SYNE2: variants seen among roughly 807,000 people sequenced by gnomAD.
SYNE2 encodes the protein nesprin-2.
Under a neutral mutation model 856.3 loss-of-function variants are expected in SYNE2, and 431 were observed. The ratio of observed to expected loss-of-function variants is 0.50; its 90% confidence interval spans 0.47 to 0.55. The LOEUF (loss-of-function observed/expected upper bound fraction) is 0.55. Ranked by LOEUF, SYNE2 falls within the 20% of genes least tolerant of loss-of-function variation. SYNE2 has a pLI of 0.00. For missense variants in SYNE2, 8,129 were observed against 8,023.2 expected (o/e 1.01, Z -0.50); for synonymous variants, 2,923 against 2,872.3 (o/e 1.02, Z -0.56).
intron 1 of SYNE2, among the ~76,000 whole-genome samples, chr14:63,892,395 G>GT (rs1287694014): frequency 6.6e-6 from 1 of 150,916 alleles, no homozygotes; most frequent in Non-Finnish European, 1.5e-5. Flanking sequence ...CCTCAGAGCA[G>GT]TTTTTTCCAG....
intron 1 of SYNE2, among the ~76,000 whole-genome samples, chr14:63,875,892 C>T (rs370551453): frequency 2.0e-5 from 3 of 152,198 alleles, no homozygotes; most frequent in African/African-American, 7.2e-5. Context: ...CTTCAAGGTT[C>T]CCAGACCGGT....
Position 64,113,723 on chromosome 14 carries a change from C to G in SYNE2, c.12840+152C>G, listed in dbSNP as rs2097831395. On this transcript the variant is annotated intron_variant, in intron 66 of 115. Coordinates refer to ENST00000555002, the MANE Select transcript of SYNE2 (RefSeq NM_182914.3). ...TCAGCTTTTAGTTCTCAGGGTAATT[C>G]TTTGAAATGCTTTATGGAACTATCT... The G allele has an allele frequency of 3.6e-6, 3 of 838,354 alleles. No homozygotes were observed. The East Asian group carries it at 8.0e-5, about 22-fold the overall frequency. The allele number at this position is 838,354 out of a possible 1,614,324, so 51.9% of individuals were successfully genotyped here. A position where few individuals can be genotyped will look rare whatever the true frequency, so the allele number is the denominator to read the frequency against.
In SYNE2 at chr14:64,053,072, T is replaced by A; in HGVS notation, c.9159T>A (p.Ser3053Arg). 1 of 1,614,048 alleles carries A rather than the reference T, an allele frequency of 6.2e-7. No individual in the cohort carries two copies. The highest frequency in any genetic ancestry group is 8.5e-7 in the Non-Finnish European group (1 of 1,180,002). ...ATGGCAAATATCAGGCATTATTAAG[T>A]AAAATGAGAGCTATTGATTTGCAAA... ...EEHGKYQALL[S>R]KMRAIDLQIK... The change falls in exon 48 of 116, where the codon AGT becomes AGA. Residue 3053 changes from serine to arginine, a missense_variant. Ser to Arg is a moderately radical substitution (Grantham distance 110). Coordinates refer to ENST00000555002, the MANE Select transcript of SYNE2 (RefSeq NM_182914.3).
At chr14:64,025,960 A>T (rs1339421470) in intron 41 of SYNE2, among the ~76,000 whole-genome samples, 3 of 152,188 alleles carry the variant, frequency 2.0e-5, no homozygotes, top group African/African-American at 4.8e-5. Context: ...CAATCACTAG[A>T]TAAAAATACA....
intron 6 of SYNE2, among the ~76,000 whole-genome samples, chr14:63,944,944 A>T (rs908628532): frequency 9.5e-4 from 129 of 136,096 alleles, no homozygotes; most frequent in African/African-American, 3.5e-3. Context: ...AGTAGCTGGG[A>T]TTACAGGTGC....
intron 31 of SYNE2, 149 bp from the exon 32 acceptor site, chr14:64,009,817 T>C (rs1647573611): frequency 1.5e-6 from 1 of 663,698 alleles, no homozygotes; most frequent in South Asian, 1.9e-5. Context: ...CCATCATTCT[T>C]AGGTTAAATT....
intron 32 of SYNE2, among the ~76,000 whole-genome samples, chr14:64,011,708 G>A (rs963973724): frequency 2.0e-5 from 3 of 152,152 alleles, no homozygotes; most frequent in Non-Finnish European, 4.4e-5. Context: ...ATAAGTGTCA[G>A]TTATGATGCC....
intron 50 of SYNE2, among the ~76,000 whole-genome samples, chr14:64,064,887 C>G (rs1219540800): frequency 7.2e-6 from 1 of 139,774 alleles, no homozygotes; most frequent in Non-Finnish European, 1.5e-5. Flanking sequence ...GAGTCTCACT[C>G]TGTTGCCCAG....
At chr14:64,020,350 A>C (rs2096927413) in intron 35 of SYNE2, among the ~76,000 whole-genome samples, 1 of 152,256 alleles carries the variant, frequency 6.6e-6, no homozygotes, top group Non-Finnish European at 1.5e-5. Context: ...AAGAAAATTT[A>C]GGAATTTATG....
At chr14:64,161,740 CAAAA>C (rs903391848) in intron 87 of SYNE2, among the ~76,000 whole-genome samples, 1 of 56,302 alleles carries the variant, frequency 1.8e-5, no homozygotes, top group African/African-American at 5.6e-5. Flanking sequence ...CCTGTCTCTA[CAAAA>C]AAAAAAAAAA....
chr14:64,056,954 A>C (rs1186308850), intron 49 of SYNE2, among the ~76,000 whole-genome samples: 1 of 151,814 alleles, frequency 6.6e-6, no homozygotes, highest in Non-Finnish European at 1.5e-5. Flanking sequence ...TCAAACTAAT[A>C]CCTAGTGTGT....
At chr14:64,068,250 C>CAA (rs2097372929) in intron 51 of SYNE2, among the ~76,000 whole-genome samples, 1 of 152,164 alleles carries the variant, frequency 6.6e-6, no homozygotes, top group Admixed American at 6.5e-5. Context: ...ACAATTCTGT[C>CAA]ACCCTAGAAG....
At chr14:64,160,645 C>T (rs938969756) in intron 87 of SYNE2, among the ~76,000 whole-genome samples, 14 of 152,058 alleles carry the variant, frequency 9.2e-5, no homozygotes, top group African/African-American at 2.2e-4. Flanking sequence ...TCAGCAGGGT[C>T]GAGGATATTG....
At chr14:64,005,059 G>A (rs1056907550) in intron 30 of SYNE2, among the ~76,000 whole-genome samples, 12 of 152,262 alleles carry the variant, frequency 7.9e-5, no homozygotes, top group African/African-American at 2.6e-4. Flanking sequence ...TACAAGGGTC[G>A]GGTGTGTTTG....
chr14:64,225,929 A>G lies in SYNE2; in HGVS notation c.*403A>G. On this transcript the variant is annotated 3_prime_UTR_variant, in exon 116 of 116. Transcript: ENST00000555002. Reference sequence around the variant, plus strand: ...CAAGCGAGGACATTCCACCCTAGAAATGGTTCAGAAACTCATAGGCACCCT... The same window carrying G: ...CAAGCGAGGACATTCCACCCTAGAAGTGGTTCAGAAACTCATAGGCACCCT... 5.1e-6 allele frequency: 2 copies of G among 393,338 alleles called. No homozygotes were observed. Among genetic ancestry groups the G allele is most frequent in the South Asian group, 4.0e-5 (1 of 25,316 alleles). The allele number at this position is 393,338 out of a possible 1,614,324, so 24.4% of individuals were successfully genotyped here.
chr14:63,833,999 A>T (rs941566031), intron 1 of SYNE2, among the ~76,000 whole-genome samples: 3 of 152,184 alleles, frequency 2.0e-5, no homozygotes, highest in Non-Finnish European at 4.4e-5. Context: ...AGAATGATAA[A>T]TGTACCAACA....
At chr14:63,829,726 A>G (rs1295058712) in intron 1 of SYNE2, among the ~76,000 whole-genome samples, 3 of 152,008 alleles carry the variant, frequency 2.0e-5, no homozygotes, top group South Asian at 4.2e-4. Flanking sequence ...AAGCTATCCT[A>G]CCTCCTCAGC....
intron 21 of SYNE2, 71 bp downstream of exon 21, chr14:63,991,186 T>G (rs1315260720): frequency 1.4e-6 from 2 of 1,422,888 alleles, no homozygotes; most frequent in Non-Finnish European, 2.0e-6. Context: ...AATCAAGATG[T>G]TTCCTTCACT....
intron 34 of SYNE2, among the ~76,000 whole-genome samples, 166 bp downstream of exon 34, chr14:64,017,922 C>T (rs1421919410): frequency 2.0e-5 from 3 of 152,116 alleles, no homozygotes; most frequent in African/African-American, 7.2e-5. Flanking sequence ...ATTACCCTTA[C>T]CAATACTTTG....
Sources: gnomAD v4.1 joint callset for allele counts (sites outside exome capture counted in the v4.1 genomes callset) on GRCh38, gnomAD v4.1.1 for gene constraint, MANE v1.5 for transcripts, NCBI Gene and HGNC (gene_info 2026-07-23, HGNC 2026-07-21) for gene names.